The following ACER3 variants were observed in gnomAD, a reference collection of about 807,000 sequenced individuals.
The protein encoded by ACER3 is alkaline ceramidase 3.
A neutral mutation model predicts 48.9 loss-of-function variants in ACER3; 16 were observed. That is an observed-to-expected ratio of 0.33 (90% CI 0.22 to 0.50). ACER3 has a LOEUF of 0.50. Ranked by LOEUF, ACER3 falls within the 20% of genes least tolerant of loss-of-function variation. The probability of loss-of-function intolerance (pLI) is 0.98; values close to 1 mark genes in which losing one functional copy is unlikely to be tolerated. For synonymous variants in ACER3, 109 were observed against 107.8 expected (o/e 1.01, Z -0.07); for missense variants, 227 against 326.0 (o/e 0.70, Z 2.34).
At chr11:76,971,046 T>C (rs942495521) in intron 3 of ACER3, among the ~76,000 whole-genome samples, 9 of 152,246 alleles carry the variant, frequency 5.9e-5, no homozygotes, top group African/African-American at 1.9e-4. Context: ...CAAGAAGTAC[T>C]TAATTTTTTT....
At chr11:76,868,220 C>T in intron 1 of ACER3, 3 of 1,289,700 alleles carry the variant, frequency 2.3e-6, no homozygotes, top group Non-Finnish European at 3.0e-6. Context: ...GAGGTGACAT[C>T]CCTGTCATAT....
rs146501330 is a variant in ACER3 at position 76,870,438 on chromosome 11, T to G, written c.103+9359T>G. Among the ~76,000 whole-genome samples the G allele has an allele frequency of 3.2e-4, 48 of 152,236 alleles. No individual in the cohort carries two copies. The East Asian group carries it at 6.7e-3, about 21-fold the overall frequency. ...TGTGAGCCACCATGCTCGGGTCACATTTTTTATTCATTCTTCTGTCAGTGT... is the reference window on the plus strand; with the variant it reads ...TGTGAGCCACCATGCTCGGGTCACAGTTTTTATTCATTCTTCTGTCAGTGT... On this transcript the variant is annotated intron_variant, in intron 1 of 10. Coordinates refer to ENST00000532485, the MANE Select transcript of ACER3 (RefSeq NM_018367.7).
intron 2 of ACER3, among the ~76,000 whole-genome samples, chr11:76,932,909 C>T (rs552387998): frequency 6.6e-6 from 1 of 152,144 alleles, no homozygotes; most frequent in East Asian, 1.9e-4. Flanking sequence ...AAGGCAGAAT[C>T]TATGAAAGCA....
At chr11:76,991,179 G>A (rs1403349803) in intron 6 of ACER3, among the ~76,000 whole-genome samples, 1 of 152,144 alleles carries the variant, frequency 6.6e-6, no homozygotes, top group Non-Finnish European at 1.5e-5. Flanking sequence ...CAAGGAAAAT[G>A]AGCTCAGAAA....
chr11:76,964,896 A>G (rs1260542439), intron 3 of ACER3, among the ~76,000 whole-genome samples: 1 of 151,370 alleles, frequency 6.6e-6, no homozygotes, highest in African/African-American at 2.5e-5. Context: ...ACTAAAAATC[A>G]GAGCGCCTGT....
intron 7 of ACER3, among the ~76,000 whole-genome samples, chr11:77,009,217 G>A (rs772991645): frequency 2.0e-5 from 3 of 152,194 alleles, no homozygotes; most frequent in Non-Finnish European, 2.9e-5. Context: ...TGGCTTCTGG[G>A]GAGGCCTCAG....
intron 8 of ACER3, 72 bp downstream of exon 8, chr11:77,015,189 A>G (rs2135324321): frequency 1.2e-6 from 1 of 809,260 alleles, no homozygotes. Flanking sequence ...TTATAAACAT[A>G]TAGAAATAGT....
At position 76,866,313 on chromosome 11, in the gene ACER3, A is replaced by G. The variant is rs542433158; in HGVS notation, c.103+5234A>G. 1.1e-3 allele frequency among the ~76,000 whole-genome samples: 168 copies of G among 152,326 alleles called. 8 individuals carry two copies. In the South Asian group the frequency reaches 0.033, roughly 30 times the overall value. On this transcript the variant is annotated intron_variant, in intron 1 of 10. Transcript: ENST00000532485. The stretch of plus-strand genomic sequence containing the variant: ...TCCTTCTGTTACTCAATTTTGTAAC[A>G]TGGCACATAAGTTTATCACCAGGAG...
At chr11:76,875,405 C>T (rs146367863) in intron 1 of ACER3, among the ~76,000 whole-genome samples, 175 of 152,080 alleles carry the variant, frequency 1.2e-3, no homozygotes, top group African/African-American at 4.1e-3. Context: ...CGTGAGCCAC[C>T]GCGCCCGGCC....
At chr11:76,976,906 AT>A (rs1222355481) in intron 4 of ACER3, among the ~76,000 whole-genome samples, 2 of 152,206 alleles carry the variant, frequency 1.3e-5, no homozygotes, top group African/African-American at 4.8e-5. Flanking sequence ...CTCTTACTGT[AT>A]TATATTCTGT....
At chr11:76,869,452 T>C (rs1590857682) in intron 1 of ACER3, among the ~76,000 whole-genome samples, 1 of 152,270 alleles carries the variant, frequency 6.6e-6, no homozygotes, top group African/African-American at 2.4e-5. Context: ...AGAGCTGCCA[T>C]ACCAGCTATT....
chr11:76,890,862 G>C (rs991506747), intron 1 of ACER3, among the ~76,000 whole-genome samples: 1 of 152,128 alleles, frequency 6.6e-6, no homozygotes, highest in Admixed American at 6.5e-5. Flanking sequence ...GCTCACTCCT[G>C]TAATCCTAGC....
At chr11:76,979,562 A>C (rs1182258212) in intron 4 of ACER3, among the ~76,000 whole-genome samples, 1 of 152,192 alleles carries the variant, frequency 6.6e-6, no homozygotes, top group Non-Finnish European at 1.5e-5. Flanking sequence ...CTAAGGTGGG[A>C]GAATCGCTTG....
In ACER3 at chr11:77,025,335, C is replaced by G. The variant is rs1366170359; in HGVS notation, c.*5008C>G. ...TAAACTACAACCCATGGGCCAAATT[C>G]AGGCTGCGTTGTATGGCCTGCAAGG... On this transcript the variant is annotated 3_prime_UTR_variant, in exon 11 of 11. Coordinates refer to ENST00000532485, the MANE Select transcript of ACER3 (RefSeq NM_018367.7). The G allele has an allele frequency of 6.6e-6, 1 of 150,590 alleles. No individual in the cohort carries two copies. The highest frequency in any genetic ancestry group is 1.5e-5 in the Non-Finnish European group (1 of 67,826). The allele number at this position is 150,590 out of a possible 1,614,324, so 9.3% of individuals were successfully genotyped here. A position where few individuals can be genotyped will look rare whatever the true frequency, so the allele number is the denominator to read the frequency against.
intron 1 of ACER3, among the ~76,000 whole-genome samples, chr11:76,866,809 T>G (rs1945100681): frequency 6.6e-6 from 1 of 152,162 alleles, no homozygotes; most frequent in African/African-American, 2.4e-5. Context: ...CAAATTTAGG[T>G]CTCACAACTC....
chr11:76,976,398 T>C, intron 4 of ACER3, 57 bp downstream of exon 4: 13 of 1,067,114 alleles, frequency 1.2e-5, no homozygotes, highest in African/African-American at 1.6e-5. Context: ...ATTTACCTCA[T>C]AGTGGATTAA....
At chr11:76,996,079 T>A (rs1948903765) in intron 6 of ACER3, among the ~76,000 whole-genome samples, 1 of 152,088 alleles carries the variant, frequency 6.6e-6, no homozygotes, top group Non-Finnish European at 1.5e-5. Flanking sequence ...AATCCAATAA[T>A]TAATTTTGCC....
chr11:76,887,988 T>C (rs1945714247), intron 1 of ACER3, among the ~76,000 whole-genome samples: 1 of 151,982 alleles, frequency 6.6e-6, no homozygotes. Context: ...TGGCTAGTTT[T>C]TGTATCTTCT....
At chr11:76,872,647 A>G (rs1945270435) in intron 1 of ACER3, among the ~76,000 whole-genome samples, 2 of 152,152 alleles carry the variant, frequency 1.3e-5, no homozygotes, top group South Asian at 4.1e-4. Context: ...GGATGTCATT[A>G]TTGTTGATGT....
Sources: allele counts gnomAD v4.1 joint callset (sites outside exome capture counted in the v4.1 genomes callset), GRCh38; gene constraint gnomAD v4.1.1; transcripts MANE v1.5; gene names NCBI Gene and HGNC (gene_info 2026-07-23, HGNC 2026-07-21).